USP13: variants seen among roughly 807,000 people sequenced by gnomAD.
The protein encoded by USP13 is ubiquitin carboxyl-terminal hydrolase 13.
In USP13, 68 loss-of-function variants were observed where a neutral mutation model predicts 107.8. The ratio of observed to expected loss-of-function variants is 0.63; its 90% CI spans 0.52 to 0.77. USP13 has a LOEUF of 0.77. Ranked by LOEUF, USP13 falls within the 30% of genes least tolerant of loss-of-function variation. USP13 has a pLI of 0.00. For missense variants in USP13, 945 were observed against 1,093.3 expected (o/e 0.86, Z 1.91); for synonymous variants, 377 against 389.5 (o/e 0.97, Z 0.38).
chr3:179,661,574 C>G (rs1454406470), intron 1 of USP13, among the ~76,000 whole-genome samples: 1 of 151,660 alleles, frequency 6.6e-6, no homozygotes, highest in Non-Finnish European at 1.5e-5. Flanking sequence ...CCTTTGGCTA[C>G]CAGGTAGGAG....
At chr3:179,682,046 T>C in intron 2 of USP13, 43 bp downstream of exon 2, 3 of 1,576,322 alleles carry the variant, frequency 1.9e-6, no homozygotes, top group Non-Finnish European at 2.6e-6. Flanking sequence ...ATGTCTTCCC[T>C]GTAACGTTGT....
intron 13 of USP13, among the ~76,000 whole-genome samples, chr3:179,745,789 A>G (rs1576972666): frequency 6.6e-6 from 1 of 152,298 alleles, no homozygotes; most frequent in East Asian, 1.9e-4. Flanking sequence ...GAGTCTCAGG[A>G]CATCTCAAAG....
rs959461302 is a variant in USP13 at position 179,744,981 on chromosome 3, G to A, written c.1535-62G>A. ...CTTCAGGGAAGACTGTCCAAAGAGG[G>A]TGCTTTTCATTTCCACAGGGTAAGA... is the stretch of plus-strand genomic sequence containing the variant. On this transcript the variant is annotated intron_variant, in intron 12 of 20. Coordinates refer to ENST00000263966, the MANE Select transcript of USP13 (RefSeq NM_003940.3). 3.8e-6 allele frequency: 6 copies of A among 1,594,622 alleles called. No homozygotes were observed. The African/African-American group carries it at 5.4e-5, about 14-fold the overall frequency.
At chr3:179,767,039 C>A (rs1715197614) in intron 19 of USP13, among the ~76,000 whole-genome samples, 1 of 152,140 alleles carries the variant, frequency 6.6e-6, no homozygotes, top group Admixed American at 6.5e-5. Context: ...CTCAGGTTAA[C>A]CCCTATTTGT....
At chr3:179,740,130 G>T in intron 10 of USP13, 117 bp from the exon 11 acceptor site, 1 of 1,431,188 alleles carries the variant, frequency 7.0e-7, no homozygotes, top group South Asian at 1.3e-5. Flanking sequence ...TACCTTCTTT[G>T]GGCTGTAGTT....
chr3:179,679,581 G>A (rs1447269634), intron 1 of USP13, among the ~76,000 whole-genome samples: 3 of 152,094 alleles, frequency 2.0e-5, no homozygotes, highest in African/African-American at 7.2e-5. Flanking sequence ...AGAAAAGCAT[G>A]TTAAGCAAAG....
chr3:179,717,477 T>C (rs981225640), intron 6 of USP13, among the ~76,000 whole-genome samples: 2 of 152,256 alleles, frequency 1.3e-5, no homozygotes, highest in African/African-American at 4.8e-5. Flanking sequence ...AAGAGCCTAA[T>C]GGGTTACGAA....
At chr3:179,753,412 A>G (rs774392024) in intron 14 of USP13, among the ~76,000 whole-genome samples, 4 of 152,240 alleles carry the variant, frequency 2.6e-5, no homozygotes, top group African/African-American at 4.8e-5. Context: ...CTTTTCTTCC[A>G]TGGACCTGAA....
At chr3:179,657,943 T>C (rs1359607462) in intron 1 of USP13, among the ~76,000 whole-genome samples, 1 of 152,086 alleles carries the variant, frequency 6.6e-6, no homozygotes, top group Non-Finnish European at 1.5e-5. Context: ...CTCTCATCTC[T>C]TTGGTTGTTG....
intron 8 of USP13, among the ~76,000 whole-genome samples, chr3:179,728,144 C>T (rs1184839539): frequency 3.9e-5 from 5 of 128,722 alleles, no homozygotes; most frequent in African/African-American, 1.1e-4. Context: ...CCAGTAGGGG[C>T]GGCCGGGCAG....
chr3:179,751,650 T>A (rs1714614850), intron 13 of USP13, among the ~76,000 whole-genome samples: 1 of 152,060 alleles, frequency 6.6e-6, no homozygotes, highest in African/African-American at 2.4e-5. Flanking sequence ...AAAAAATAAA[T>A]GGTTGAAAAG....
intron 1 of USP13, among the ~76,000 whole-genome samples, chr3:179,664,700 A>G (rs1364977968): frequency 1.3e-5 from 2 of 152,332 alleles, no homozygotes; most frequent in Non-Finnish European, 2.9e-5. Flanking sequence ...CAACAGGACA[A>G]TGTAACAATG....
chr3:179,681,578 A>G (rs1047544093), intron 1 of USP13, among the ~76,000 whole-genome samples: 1 of 151,834 alleles, frequency 6.6e-6, no homozygotes, highest in Non-Finnish European at 1.5e-5. Context: ...GCTTGCCTCA[A>G]TATCTTATCA....
At chr3:179,661,177 C>T (rs1040322146) in intron 1 of USP13, among the ~76,000 whole-genome samples, 1 of 152,124 alleles carries the variant, frequency 6.6e-6, no homozygotes, top group African/African-American at 2.4e-5. Flanking sequence ...TCCCAAATTA[C>T]TTAAAGACTC....
At chr3:179,704,083 A>G (rs1322905991) in intron 4 of USP13, among the ~76,000 whole-genome samples, 1 of 152,142 alleles carries the variant, frequency 6.6e-6, no homozygotes, top group Non-Finnish European at 1.5e-5. Flanking sequence ...AAAATAGTTC[A>G]CAGTGTGATT....
Position 179,721,612 on chromosome 3 carries a change from A to G in USP13, c.1088+23A>G. ...AGCGTAAGTGCCTTCCATGCAGACC[A>G]GGGCACGCGGCACCTCCCTGCCCCA... On this transcript the variant is annotated intron_variant, in intron 8 of 20. Transcript: ENST00000263966. This position sits in a 1 kb window ranked among gnomAD's most constrained non-coding sequence, Gnocchi z 4.3. The G allele has an allele frequency of 1.9e-6, 3 of 1,608,922 alleles. No individual in the cohort carries two copies. Among genetic ancestry groups the G allele is most frequent in the Non-Finnish European group, 2.5e-6 (3 of 1,177,982 alleles).
At chr3:179,754,493 C>T (rs1714718485) in intron 14 of USP13, among the ~76,000 whole-genome samples, 1 of 152,164 alleles carries the variant, frequency 6.6e-6, no homozygotes, top group Admixed American at 6.6e-5. Context: ...TTTGTAACCT[C>T]AGGCTTAAAT....
chr3:179,728,578 G>A (rs1400673848), intron 8 of USP13, among the ~76,000 whole-genome samples: 1 of 151,116 alleles, frequency 6.6e-6, no homozygotes, highest in Non-Finnish European at 1.5e-5. Flanking sequence ...CCCAGACGGG[G>A]TGGCGGCCGG....
intron 8 of USP13, among the ~76,000 whole-genome samples, chr3:179,727,013 T>C (rs911572301): frequency 1.3e-5 from 2 of 151,724 alleles, no homozygotes; most frequent in African/African-American, 4.8e-5. Context: ...TTCTCACCTC[T>C]CAAATGAGGA....
Sources: gnomAD v4.1 joint callset for allele counts (sites outside exome capture counted in the v4.1 genomes callset) on GRCh38, gnomAD v4.1.1 for gene constraint, Gnocchi (gnomAD v3.1) non-coding constraint, MANE v1.5 for transcripts, NCBI Gene and HGNC (gene_info 2026-07-23, HGNC 2026-07-21) for gene names.